The following PCSK5 variants were observed in gnomAD, a reference collection of about 807,000 sequenced individuals.
The protein encoded by PCSK5 is prohormone convertase 5.
A neutral mutation model predicts 233.2 loss-of-function variants in PCSK5; 129 were observed. The ratio of observed to expected loss-of-function variants is 0.55; its 90% CI spans 0.48 to 0.64. The LOEUF (loss-of-function observed/expected upper bound fraction) is 0.64, where lower values mean the gene tolerates loss of function less well. PCSK5 is among the 30% of genes least tolerant of loss of function. The pLI is 0.00. For missense variants in PCSK5, 2,076 were observed against 2,430.1 expected, an observed-to-expected ratio of 0.85 and a Z score of 3.06; for synonymous variants, 825 against 879.2, an observed-to-expected ratio of 0.94 and a Z score of 1.09.
At chr9:75,924,503 G>T (rs1161543831) in intron 1 of PCSK5, among the ~76,000 whole-genome samples, 1 of 152,048 alleles carries the variant, frequency 6.6e-6, no homozygotes, top group African/African-American at 2.4e-5. Context: ...TGAGGTGAAG[G>T]TATACCTTAA....
rs555756755 is a variant in PCSK5, at chr9:76,281,301, C to T, written c.3143-10932C>T. Among the ~76,000 whole-genome samples, 20 of 152,342 alleles carry T rather than the reference C, an allele frequency of 1.3e-4. No individual in the cohort carries two copies. In the East Asian group the frequency reaches 3.9e-3, roughly 29 times the overall value. ...AAGTCTCAAAGGACAGGCTGACTCT[C>T]TTATTAGGGACTAATGCAGCTGGTG... On this transcript the variant is annotated intron_variant, in intron 24 of 37. Coordinates refer to ENST00000674117, the MANE Select transcript of PCSK5 (RefSeq NM_001372043.1).
At chr9:75,978,312 C>T (rs919904949) in intron 2 of PCSK5, among the ~76,000 whole-genome samples, 10 of 152,310 alleles carry the variant, frequency 6.6e-5, no homozygotes, top group African/African-American at 2.4e-4. Context: ...TTGCCCCAAG[C>T]CAGCCGTGGA....
chr9:76,099,357 G>A (rs1405596688), intron 8 of PCSK5, among the ~76,000 whole-genome samples: 2 of 152,106 alleles, frequency 1.3e-5, no homozygotes, highest in Admixed American at 1.3e-4. Context: ...TTTCCATGAA[G>A]ATAATAAAAG....
chr9:76,263,985 G>T (rs1827260498), intron 24 of PCSK5, among the ~76,000 whole-genome samples: 1 of 152,064 alleles, frequency 6.6e-6, no homozygotes, highest in African/African-American at 2.4e-5. Context: ...CCAAAAAAGA[G>T]CCTGAATAGG....
chr9:76,290,371 C>T (rs1164274250), intron 24 of PCSK5, among the ~76,000 whole-genome samples: 1 of 152,154 alleles, frequency 6.6e-6, no homozygotes, highest in Admixed American at 6.5e-5. Flanking sequence ...CCTGGTTCCA[C>T]CTAATTAGCC....
intron 28 of PCSK5, 64 bp from the exon 29 acceptor site, chr9:76,308,581 A>C: frequency 1.1e-6 from 1 of 894,408 alleles, no homozygotes. Context: ...GATCTTTTTC[A>C]GTACTGGAAT....
intron 7 of PCSK5, among the ~76,000 whole-genome samples, chr9:76,092,458 T>C (rs1178644226): frequency 2.6e-5 from 4 of 152,108 alleles, no homozygotes; most frequent in Non-Finnish European, 5.9e-5. Context: ...AGTGCAGTGG[T>C]GTGAGCATAG....
intron 4 of PCSK5, 59 bp downstream of exon 4, chr9:76,023,940 A>G: frequency 2.0e-6 from 3 of 1,481,448 alleles, no homozygotes; most frequent in Non-Finnish European, 2.7e-6. Flanking sequence ...AACTCATGTT[A>G]GGATTATCAA....
Position 76,302,158 on chromosome 9 carries a change from T to C in PCSK5, c.3545T>C (p.Leu1182Pro), listed in dbSNP as rs1304497360. Residue 1182 changes from leucine (L) to proline (P), a missense_variant, in exon 28 of 38, where the codon CTA (leucine) becomes CCA (proline). Leu to Pro is a moderately conservative substitution (Grantham distance 98, BLOSUM62 -3). This residue lies in a region of PCSK5 where 1,510 missense variants were observed against 1,538.1 expected (regional missense o/e 0.98). Transcript: ENST00000674117. ...AAAGAAGCTGTGTCCACTGCAAACC[T>C]ATCTGTGGTGAAGAGCCTGCTGCAG... ...FWNEAVSTAN[L>P]SVVKSLLQER... 1.5e-6 allele frequency: 2 copies of C among 1,347,060 alleles called. No individual in the cohort carries two copies. Among genetic ancestry groups the C allele is most frequent in the Admixed American group, 4.2e-5 (2 of 47,464 alleles). 83.4% of individuals were successfully genotyped at this position (1,347,060 alleles called of 1,614,324 possible).
At chr9:75,913,291 C>T (rs1046673867) in intron 1 of PCSK5, among the ~76,000 whole-genome samples, 2 of 152,196 alleles carry the variant, frequency 1.3e-5, no homozygotes, top group African/African-American at 4.8e-5. Context: ...GAATCATTAG[C>T]TTATTTTCAA....
At chr9:76,094,247 T>C (rs1009712205) in intron 7 of PCSK5, among the ~76,000 whole-genome samples, 5 of 152,210 alleles carry the variant, frequency 3.3e-5, no homozygotes, top group African/African-American at 1.2e-4. Context: ...TTGTCTCTTT[T>C]TCTTCGGCTC....
intron 9 of PCSK5, among the ~76,000 whole-genome samples, chr9:76,129,693 CTGGGAAAACCCTT>C (rs1452153322): frequency 6.7e-6 from 1 of 149,426 alleles, no homozygotes; most frequent in African/African-American, 2.5e-5. Flanking sequence ...CCAGAATTAT[CTGGGAAAACCCTT>C]TGGTGAAGGA....
intron 15 of PCSK5, among the ~76,000 whole-genome samples, chr9:76,181,054 G>C (rs1039190874): frequency 6.6e-6 from 1 of 152,084 alleles, no homozygotes; most frequent in Non-Finnish European, 1.5e-5. Flanking sequence ...CTTTTTAAAG[G>C]GACCTTTTTG....
At chr9:75,990,761 T>C (rs1194773286) in intron 3 of PCSK5, among the ~76,000 whole-genome samples, 1 of 152,178 alleles carries the variant, frequency 6.6e-6, no homozygotes, top group African/African-American at 2.4e-5. Flanking sequence ...TCCCTGGACA[T>C]TGGCCTGTAA....
intron 28 of PCSK5, among the ~76,000 whole-genome samples, chr9:76,304,095 C>A (rs1319251142): frequency 6.6e-6 from 1 of 152,144 alleles, no homozygotes; most frequent in African/African-American, 2.4e-5. Context: ...TCGCTTGAAC[C>A]TGGGAGGTGA....
intron 1 of PCSK5, among the ~76,000 whole-genome samples, chr9:75,916,070 G>C (rs1264385781): frequency 6.6e-6 from 1 of 152,118 alleles, no homozygotes; most frequent in Admixed American, 6.5e-5. Context: ...TTTATGTTAA[G>C]AAAGAAAATT....
intron 24 of PCSK5, among the ~76,000 whole-genome samples, chr9:76,270,785 G>T (rs1460859925): frequency 2.0e-5 from 3 of 152,136 alleles, no homozygotes; most frequent in Admixed American, 2.0e-4. Flanking sequence ...TTTAAAGTGG[G>T]TGTGTGAATA....
At chr9:75,968,576 C>T (rs994333525) in intron 2 of PCSK5, among the ~76,000 whole-genome samples, 2 of 152,058 alleles carry the variant, frequency 1.3e-5, no homozygotes, top group Non-Finnish European at 2.9e-5. Context: ...AGGAAGATGC[C>T]CTCACCTAGA....
intron 3 of PCSK5, among the ~76,000 whole-genome samples, chr9:75,993,666 G>A (rs576688677): frequency 6.6e-6 from 1 of 152,280 alleles, no homozygotes; most frequent in African/African-American, 2.4e-5. Context: ...TCATTCTCAT[G>A]GCTATGATTT....
Sources: gnomAD v4.1 joint callset for allele counts (sites outside exome capture counted in the v4.1 genomes callset) on GRCh38, gnomAD v4.1.1 for gene constraint, gnomAD v4.1.1 regional missense constraint, MANE v1.5 for transcripts, NCBI Gene and HGNC (gene_info 2026-07-23, HGNC 2026-07-21) for gene names.